Variants in DNAH9 observed in about 807,000 individuals in gnomAD.
DNAH9 encodes the protein dynein axonemal heavy chain 9.
DNAH9 carries 345 observed loss-of-function variants against 471.6 expected under a neutral mutation model. The observed-to-expected ratio is 0.73, with a 90% CI of 0.67 to 0.80. The LOEUF is 0.80. Among genes scored for constraint, DNAH9 ranks in the 30% least tolerant of loss-of-function variants. The pLI is 0.00. For missense variants in DNAH9, 5,407 were observed against 5,609.2 expected (o/e 0.96, Z 1.15); for synonymous variants, 2,093 against 2,123.6 (o/e 0.99, Z 0.40).
chr17:11,930,337 C>T (rs1358120150), intron 63 of DNAH9, among the ~76,000 whole-genome samples: 1 of 152,120 alleles, frequency 6.6e-6, no homozygotes, highest in East Asian at 1.9e-4. Flanking sequence ...GGGAAGCCTT[C>T]TGCAAGTTTA....
At chr17:11,847,005 C>T (rs1034275327) in intron 49 of DNAH9, among the ~76,000 whole-genome samples, 3 of 151,778 alleles carry the variant, frequency 2.0e-5, no homozygotes, top group Non-Finnish European at 4.4e-5. Flanking sequence ...TTTCCTTCTC[C>T]TGCCTAATTG....
At chr17:11,762,774 T>TTG (rs1567783309) in intron 35 of DNAH9, among the ~76,000 whole-genome samples, 14 of 95,522 alleles carry the variant, frequency 1.5e-4, no homozygotes, top group Non-Finnish European at 2.5e-4. Context: ...TTTTTTGTTT[T>TTG]TTTTTTTTTT....
intron 45 of DNAH9, among the ~76,000 whole-genome samples, chr17:11,821,052 C>T (rs2190617): frequency 3.3e-5 from 5 of 151,938 alleles, no homozygotes; most frequent in Non-Finnish European, 7.4e-5. Flanking sequence ...GAGGCCGAGG[C>T]GGGTGGATCA....
At chr17:11,942,538 G>T in intron 67 of DNAH9, 53 bp downstream of exon 67, 2 of 1,550,484 alleles carry the variant, frequency 1.3e-6, no homozygotes, top group South Asian at 2.4e-5. Flanking sequence ...GACACAGATG[G>T]ACCCCTATGG....
intron 48 of DNAH9, among the ~76,000 whole-genome samples, chr17:11,829,609 C>G (rs1970619301): frequency 6.6e-6 from 1 of 152,254 alleles, no homozygotes; most frequent in South Asian, 2.1e-4. Context: ...GTAGCTGGAA[C>G]TACAGGTGCG....
At chr17:11,600,886 A>T (rs1026985839) in intron 1 of DNAH9, among the ~76,000 whole-genome samples, 1 of 152,200 alleles carries the variant, frequency 6.6e-6, no homozygotes, top group African/African-American at 2.4e-5. Context: ...TCAACCACAT[A>T]TGCATTATTG....
At chr17:11,685,514 C>G (rs1195191726) in intron 19 of DNAH9, among the ~76,000 whole-genome samples, 1 of 152,094 alleles carries the variant, frequency 6.6e-6, no homozygotes, top group African/African-American at 2.4e-5. Context: ...GGCTCAAAAC[C>G]AGGTGCTCAA....
intron 67 of DNAH9, among the ~76,000 whole-genome samples, chr17:11,951,959 C>G (rs889972815): frequency 2.0e-5 from 3 of 151,694 alleles, no homozygotes; most frequent in Non-Finnish European, 4.4e-5. Context: ...AATTCAGTTC[C>G]TTTTTTGCAT....
chr17:11,878,548 T>A (rs1972597510), intron 53 of DNAH9, among the ~76,000 whole-genome samples: 1 of 150,486 alleles, frequency 6.6e-6, no homozygotes, highest in African/African-American at 2.4e-5. Context: ...TTAGTTTTTT[T>A]GTTTGTTTGT....
chr17:11,754,584 T>A (rs903089296), intron 33 of DNAH9, among the ~76,000 whole-genome samples: 3 of 152,224 alleles, frequency 2.0e-5, no homozygotes, highest in Non-Finnish European at 4.4e-5. Flanking sequence ...TAATCAGTGA[T>A]GTTGAGTTTT....
Position 11,617,450 on chromosome 17 carries a change from C to T in DNAH9, c.944C>T (p.Pro315Leu), listed in dbSNP as rs532725005. Reference sequence around the variant, plus strand: ...CAGGACATCCATGTGCACCTGATACCGCTCCAGCGCCACCTGGAAGCTCTG... The same window carrying T: ...CAGGACATCCATGTGCACCTGATACTGCTCCAGCGCCACCTGGAAGCTCTG... ...EAQDIHVHLI[P>L]LQRHLEALEN... Residue 315 changes from proline (P) to leucine (L), a missense_variant, in exon 5 of 69, where the codon CCG (proline) becomes CTG (leucine). By Grantham distance (98) the Pro-to-Leu change is moderately conservative. Coordinates refer to ENST00000262442, the MANE Select transcript of DNAH9 (RefSeq NM_001372.4). The T allele has an allele frequency of 2.0e-5, 32 of 1,614,128 alleles. No homozygotes were observed. The East Asian group carries it at 3.1e-4, about 16-fold the overall frequency.
At chr17:11,828,281 C>G (rs1970571817) in intron 48 of DNAH9, among the ~76,000 whole-genome samples, 1 of 151,938 alleles carries the variant, frequency 6.6e-6, no homozygotes, top group African/African-American at 2.4e-5. Context: ...CAAGACTAAC[C>G]TGGCCAACAT....
chr17:11,951,029 C>A (rs1196258697), intron 67 of DNAH9, among the ~76,000 whole-genome samples: 1 of 152,196 alleles, frequency 6.6e-6, no homozygotes, highest in Admixed American at 6.5e-5. Flanking sequence ...CCCCTATCAA[C>A]TCACAGGACA....
At position 11,632,602 on chromosome 17, in the gene DNAH9, G is replaced by C. The variant is rs201521165; in HGVS notation, c.1534G>C (p.Val512Leu). 6.9e-6 allele frequency: 11 copies of C among 1,587,256 alleles called. No homozygotes were observed. The East Asian group carries it at 2.5e-4, about 35-fold the overall frequency. ...YLQSTDFENDVSEFNQKVEDL... is the reference protein window; with the variant it reads ...YLQSTDFENDLSEFNQKVEDL... ...GTCTCTTCAGGACTTTGAAAATGAC[G>C]TCTCTGAATTTAACCAGAAAGTAGA... The change falls in exon 8 of 69, where the codon GTC becomes CTC. Residue 512 changes from valine to leucine, a missense_variant. Around this residue, in one of 3 missense-constraint regions of DNAH9, gnomAD observed 767 missense variants for 692.5 expected, o/e 1.11. Transcript: ENST00000262442.
At chr17:11,747,473 C>T (rs1407005927) in intron 31 of DNAH9, 83 bp from the exon 32 acceptor site, 2 of 1,105,888 alleles carry the variant, frequency 1.8e-6, no homozygotes, top group Non-Finnish European at 1.4e-6. Context: ...TCACTTCAGA[C>T]ACCAGCTGGG....
chr17:11,804,873 C>CAA (rs534191844), intron 43 of DNAH9, among the ~76,000 whole-genome samples: 10 of 101,572 alleles, frequency 9.8e-5, no homozygotes, highest in African/African-American at 2.1e-4. Flanking sequence ...GACTCTGTCT[C>CAA]AAAAAAAAAA....
chr17:11,758,756 A>G (rs994040873), intron 35 of DNAH9, among the ~76,000 whole-genome samples: 1 of 152,314 alleles, frequency 6.6e-6, no homozygotes, highest in Non-Finnish European at 1.5e-5. Flanking sequence ...TGAATTTTGT[A>G]TACCTAAAAA....
chr17:11,763,472 G>A lies in DNAH9; in HGVS notation c.7028G>A (p.Ser2343Asn), dbSNP rs747056230. Residue 2343 changes from serine (S) to asparagine (N), a missense_variant, in exon 36 of 69, where the codon AGC becomes AAC. This residue lies in a region of DNAH9 where 4,636 missense variants were observed against 4,900.3 expected (regional missense o/e 0.95). Transcript: ENST00000262442. The part of the protein sequence containing the change: ...FKKIIPIPEQ[S>N]MVQMVCHLLE... ...AAGATCATTCCCATCCCAGAGCAGA[G>A]CATGGTTCAGATGGTGTGTCACCTT... 6.2e-7 allele frequency: 1 copy of A among 1,614,148 alleles called. No individual in the cohort carries two copies. The highest frequency in any genetic ancestry group is 8.5e-7 in the Non-Finnish European group (1 of 1,180,018).
chr17:11,877,238 C>T (rs946376498), intron 53 of DNAH9, among the ~76,000 whole-genome samples: 6 of 151,100 alleles, frequency 4.0e-5, no homozygotes, highest in Non-Finnish European at 5.9e-5. Context: ...TTTGGGAGGC[C>T]GAGGCGAGCA....
Sources: allele counts gnomAD v4.1 joint callset (sites outside exome capture counted in the v4.1 genomes callset), GRCh38; gene constraint gnomAD v4.1.1; regional missense constraint gnomAD v4.1.1; transcripts MANE v1.5; gene names NCBI Gene and HGNC (gene_info 2026-07-23, HGNC 2026-07-21).